NRXN1: variants seen among roughly 807,000 people sequenced by gnomAD.
The protein encoded by NRXN1 is neurexin 1.
A neutral mutation model predicts 150.9 loss-of-function variants in NRXN1; 39 were observed. That is an observed-to-expected ratio of 0.26 (90% confidence interval 0.20 to 0.34). NRXN1 has a LOEUF of 0.34. Among genes scored for constraint, NRXN1 ranks in the 10% least tolerant of loss-of-function variants. The probability of loss-of-function intolerance (pLI) is 1.00; values close to 1 mark genes in which losing one functional copy is unlikely to be tolerated. For missense variants in NRXN1, 1,815 were observed against 1,949.9 expected (o/e 0.93, Z 1.30); for synonymous variants, 924 against 757.0 (o/e 1.22, Z -3.62).
chr2:50,161,179 A>C (rs1377234), intron 18 of NRXN1, among the ~76,000 whole-genome samples: 125,414 of 152,188 alleles, frequency 0.82, 51,913 homozygotes, highest in African/African-American at 0.89. Flanking sequence ...CCACCACCCA[A>C]CACCCATCTG....
intron 5 of NRXN1, among the ~76,000 whole-genome samples, chr2:50,736,655 C>G (rs1698790740): frequency 6.6e-6 from 1 of 152,108 alleles, no homozygotes; most frequent in Non-Finnish European, 1.5e-5. Flanking sequence ...GCTTGGTTCT[C>G]ATTCTCTCTT....
intron 17 of NRXN1, among the ~76,000 whole-genome samples, chr2:50,447,737 T>TTTTA (rs1208594855): frequency 0.015 from 569 of 37,906 alleles, 108 homozygotes; most frequent in African/African-American, 0.058. Context: ...CAGGGGAACG[T>TTTTA]TATATATATA....
intron 5 of NRXN1, among the ~76,000 whole-genome samples, chr2:50,684,952 T>A (rs1400385979): frequency 6.6e-6 from 1 of 152,204 alleles, no homozygotes; most frequent in African/African-American, 2.4e-5. Flanking sequence ...AACCAGAGAA[T>A]TTGAACTTGG....
In NRXN1 at chr2:50,278,316, A is replaced by AAC. The variant is rs796150823; in HGVS notation, c.3365-41347_3365-41346insGT. On this transcript the variant is annotated intron_variant, in intron 17 of 22. Coordinates refer to ENST00000401669, the MANE Select transcript of NRXN1 (RefSeq NM_001330078.2). ...TATATAATATATATTTTATATATAT[A>AAC]TTATATATATATATATTTAGTAGAG... 2.8e-5 allele frequency among the ~76,000 whole-genome samples: 3 copies of AAC among 107,706 alleles called. No individual in the cohort carries two copies. The Admixed American group carries it at 3.0e-4, about 11-fold the overall frequency. The allele number at this position is 107,706 out of a possible 152,430, so 70.7% of individuals were successfully genotyped here.
At chr2:50,478,105 T>C (rs1487751089) in intron 15 of NRXN1, among the ~76,000 whole-genome samples, 3 of 152,152 alleles carry the variant, frequency 2.0e-5, no homozygotes, top group Admixed American at 1.3e-4. Flanking sequence ...CTTATCTAGA[T>C]ACACTGAGAG....
At chr2:50,028,497 G>A (rs1266814035) in intron 21 of NRXN1, among the ~76,000 whole-genome samples, 1 of 152,146 alleles carries the variant, frequency 6.6e-6, no homozygotes, top group Non-Finnish European at 1.5e-5. Context: ...ACAGCATAGT[G>A]TGTCCTACTG....
chr2:50,443,902 A>T (rs2086180510), intron 17 of NRXN1, among the ~76,000 whole-genome samples: 1 of 152,222 alleles, frequency 6.6e-6, no homozygotes, highest in Non-Finnish European at 1.5e-5. Flanking sequence ...TTGGAAATTT[A>T]AAAATAACTT....
At chr2:50,790,543 C>A (rs1290925520) in intron 5 of NRXN1, among the ~76,000 whole-genome samples, 1 of 152,104 alleles carries the variant, frequency 6.6e-6, no homozygotes, top group Non-Finnish European at 1.5e-5. Context: ...ATTGCTTGAA[C>A]CTGGGAGAGA....
intron 21 of NRXN1, among the ~76,000 whole-genome samples, chr2:49,948,383 A>G (rs531465515): frequency 6.6e-6 from 1 of 152,194 alleles, no homozygotes; most frequent in South Asian, 2.1e-4. Context: ...GCCCTCTTAC[A>G]GTAGAAAAAA....
intron 5 of NRXN1, among the ~76,000 whole-genome samples, chr2:50,872,288 G>A (rs1032589042): frequency 5.3e-5 from 8 of 151,842 alleles, no homozygotes; most frequent in African/African-American, 1.5e-4. Flanking sequence ...GTGTAATAAT[G>A]GTGATTGTAC....
intron 5 of NRXN1, among the ~76,000 whole-genome samples, chr2:50,660,146 A>T (rs1687082937): frequency 2.0e-5 from 3 of 152,076 alleles, no homozygotes; most frequent in Admixed American, 1.3e-4. Context: ...CAGACATTAT[A>T]GTAAGCAATG....
rs1164488255 is a variant in NRXN1, at chr2:50,936,423, A to G, written c.773-10468T>C. Among the ~76,000 whole-genome samples the G allele has an allele frequency of 2.0e-5, 3 of 152,320 alleles. No homozygotes were observed. In the East Asian group the frequency reaches 5.8e-4, roughly 29 times the overall value. On this transcript the variant is annotated intron_variant, in intron 2 of 22. Transcript: ENST00000401669. ...AACACACTTTTACATAAAATAATAA[A>G]TGACAGAAAACCTTAATACATTTCT...
At chr2:50,953,028 G>A (rs1405147208) in intron 2 of NRXN1, among the ~76,000 whole-genome samples, 1 of 152,174 alleles carries the variant, frequency 6.6e-6, no homozygotes, top group East Asian at 1.9e-4. Context: ...TACTAAGAGA[G>A]AGGAACACTG....
intron 5 of NRXN1, among the ~76,000 whole-genome samples, chr2:50,837,309 G>A (rs1358778371): frequency 2.0e-5 from 3 of 152,050 alleles, no homozygotes; most frequent in Non-Finnish European, 2.9e-5. Context: ...GATATCAATC[G>A]TTTACTAGTT....
chr2:50,373,647 AAAG>A (rs1233754980), intron 17 of NRXN1, among the ~76,000 whole-genome samples: 1 of 99,570 alleles, frequency 1.0e-5, no homozygotes, highest in East Asian at 3.5e-4. Context: ...AGAAAGAAAG[AAAG>A]AAAGAAAGAA....
intron 17 of NRXN1, among the ~76,000 whole-genome samples, chr2:50,372,343 C>G (rs1451935858): frequency 6.6e-6 from 1 of 152,028 alleles, no homozygotes; most frequent in Admixed American, 6.6e-5. Flanking sequence ...CTGGGAAGAT[C>G]AGAGCCTAAT....
Position 49,948,744 on chromosome 2 carries a change from C to A in NRXN1, c.4129-4953G>T, listed in dbSNP as rs72885888. Reference sequence around the variant, plus strand: ...CTGTTGAGAGAGTGGTAGAAAGAAACTCAAATATGTCACATTAATCAATTC... The same window carrying A: ...CTGTTGAGAGAGTGGTAGAAAGAAAATCAAATATGTCACATTAATCAATTC... On this transcript the variant is annotated intron_variant, in intron 21 of 22. Coordinates refer to ENST00000401669, the MANE Select transcript of NRXN1 (RefSeq NM_001330078.2). 5.7e-3 allele frequency among the ~76,000 whole-genome samples: 867 copies of A among 152,026 alleles called. 6 individuals are homozygous for A. The highest frequency in any genetic ancestry group is 0.02 in the African/African-American group (838 of 41,512).
At chr2:50,977,329 T>C (rs1575107638) in intron 2 of NRXN1, among the ~76,000 whole-genome samples, 1 of 151,894 alleles carries the variant, frequency 6.6e-6, no homozygotes, top group Non-Finnish European at 1.5e-5. Flanking sequence ...TCATATGTAG[T>C]CACATTTTAA....
chr2:50,003,435 G>T (rs1684265491), intron 21 of NRXN1, among the ~76,000 whole-genome samples: 1 of 151,894 alleles, frequency 6.6e-6, no homozygotes. Flanking sequence ...ATTATATTTT[G>T]CCAATGTGAG....
Sources: allele counts gnomAD v4.1 joint callset (sites outside exome capture counted in the v4.1 genomes callset), GRCh38; gene constraint gnomAD v4.1.1; transcripts MANE v1.5; gene names NCBI Gene and HGNC (gene_info 2026-07-23, HGNC 2026-07-21).